The following AGBL1 variants were observed in gnomAD, a reference collection of about 807,000 sequenced individuals.
AGBL1 encodes the protein AGBL carboxypeptidase 1, also known as cytosolic carboxypeptidase 4.
A neutral mutation model predicts 118.9 loss-of-function variants in AGBL1; 130 were observed. That is an observed-to-expected ratio of 1.09 (90% CI 0.95 to 1.26). The LOEUF is 1.26. AGBL1 is among the 50% of genes most tolerant of loss of function. The probability of loss-of-function intolerance (pLI) is 0.00; values close to 1 mark genes in which losing one functional copy is unlikely to be tolerated. For synonymous variants in AGBL1, 555 were observed against 478.9 expected (o/e 1.16, Z -2.08); for missense variants, 1,584 against 1,298.1 (o/e 1.22, Z -3.38).
chr15:86,662,245 C>T (rs181756569), intron 21 of AGBL1, among the ~76,000 whole-genome samples: 7 of 152,224 alleles, frequency 4.6e-5, no homozygotes, highest in African/African-American at 7.2e-5. Context: ...TGTAATATTA[C>T]ATACTGCATA....
chr15:86,178,033 G>T (rs1157603927), intron 5 of AGBL1, among the ~76,000 whole-genome samples: 1 of 152,136 alleles, frequency 6.6e-6, no homozygotes, highest in Non-Finnish European at 1.5e-5. Flanking sequence ...TTCATTCCAG[G>T]CTGGGCATGG....
At chr15:86,843,340 T>C (rs565591135) in intron 22 of AGBL1, among the ~76,000 whole-genome samples, 9 of 152,174 alleles carry the variant, frequency 5.9e-5, no homozygotes, top group African/African-American at 2.2e-4. Flanking sequence ...GCCAGGACTT[T>C]TTTTTTTTCT....
At position 86,742,173 on chromosome 15, in the gene AGBL1, G is replaced by A. The variant is rs1029957646; in HGVS notation, c.3158+67737G>A. ...TTTTATTGGGCATACATAAAGAAAC[G>A]TGACCCAGACTGCAAAGGACCAATT... On this transcript the variant is annotated intron_variant, in intron 22 of 22. Coordinates refer to ENST00000614907, the MANE Select transcript of AGBL1 (RefSeq NM_001386094.1). 9.2e-5 allele frequency among the ~76,000 whole-genome samples: 14 copies of A among 152,076 alleles called. 1 individual carries two copies. The highest frequency in any genetic ancestry group is 3.3e-4 in the Admixed American group (5 of 15,248).
rs566591389 is a variant in AGBL1 at position 86,965,112 on chromosome 15, A to G, written c.3222-22875A>G. On this transcript the variant is annotated intron_variant, in intron 23 of 24. Coordinates refer to the AGBL1 transcript ENST00000441037. ...AACATACATGTGCATGTATTTTTAT[A>G]GAAGAATGACTTATAATCCTTTGGG... Among the ~76,000 whole-genome samples, 5 of 152,308 alleles carry G rather than the reference A, an allele frequency of 3.3e-5. No homozygotes were observed. The South Asian group carries it at 1.0e-3, about 32-fold the overall frequency.
intron 22 of AGBL1, among the ~76,000 whole-genome samples, chr15:86,703,073 G>C (rs2086388012): frequency 6.6e-6 from 1 of 152,136 alleles, no homozygotes; most frequent in African/African-American, 2.4e-5. Flanking sequence ...CAGAATCCAA[G>C]AGAATAATTT....
At chr15:86,734,565 A>G (rs550607361) in intron 22 of AGBL1, among the ~76,000 whole-genome samples, 1 of 152,290 alleles carries the variant, frequency 6.6e-6, no homozygotes, top group East Asian at 1.9e-4. Flanking sequence ...AGAAATGGGC[A>G]TACATCCTTC....
At chr15:86,451,224 C>T (rs1181403847) in intron 18 of AGBL1, among the ~76,000 whole-genome samples, 1 of 152,124 alleles carries the variant, frequency 6.6e-6, no homozygotes, top group African/African-American at 2.4e-5. Flanking sequence ...CTTCTTGGGC[C>T]TCCCATTGCC....
intron 1 of AGBL1, among the ~76,000 whole-genome samples, chr15:86,116,082 G>C (rs764588330): frequency 2.6e-5 from 4 of 152,128 alleles, no homozygotes; most frequent in African/African-American, 9.7e-5. Context: ...AATAGGCAGG[G>C]AACCTAGAAT....
chr15:86,670,900 C>T (rs1038742808), intron 21 of AGBL1, among the ~76,000 whole-genome samples: 3 of 151,692 alleles, frequency 2.0e-5, no homozygotes, highest in Non-Finnish European at 4.4e-5. Flanking sequence ...GGTGAGTTAT[C>T]AAGAAAAGTT....
chr15:86,605,111 G>A (rs1356899585), intron 21 of AGBL1, among the ~76,000 whole-genome samples: 6 of 151,870 alleles, frequency 4.0e-5, no homozygotes, highest in Non-Finnish European at 7.4e-5. Context: ...TCTTTCATAT[G>A]TGGTAGTCAA....
intron 21 of AGBL1, among the ~76,000 whole-genome samples, chr15:86,617,568 G>A (rs533094973): frequency 3.9e-5 from 6 of 152,054 alleles, no homozygotes; most frequent in Admixed American, 6.6e-5. Flanking sequence ...TCAAATTTTC[G>A]TTCAATTGGT....
intron 1 of AGBL1, among the ~76,000 whole-genome samples, chr15:86,133,502 C>T (rs986830609): frequency 3.3e-5 from 5 of 152,296 alleles, no homozygotes; most frequent in East Asian, 1.9e-4. Flanking sequence ...CAACTAACTT[C>T]GAAGCTTTGT....
chr15:86,354,754 T>C (rs1259433753), intron 17 of AGBL1, among the ~76,000 whole-genome samples: 1 of 152,152 alleles, frequency 6.6e-6, no homozygotes, highest in Non-Finnish European at 1.5e-5. Flanking sequence ...CAAAGGAATT[T>C]TGTAGGTATA....
At chr15:86,551,590 G>T (rs754339095) in intron 20 of AGBL1, among the ~76,000 whole-genome samples, 2 of 152,124 alleles carry the variant, frequency 1.3e-5, no homozygotes, top group Non-Finnish European at 2.9e-5. Flanking sequence ...GGAAGTCTAG[G>T]CCCAAATGGC....
intron 3 of AGBL1, among the ~76,000 whole-genome samples, chr15:86,144,404 C>A (rs118023766): frequency 0.035 from 5,353 of 152,238 alleles, 168 homozygotes; most frequent in South Asian, 0.1. Context: ...ATTACAAAGA[C>A]ACGGACTCAA....
At chr15:86,324,299 G>A (rs930453030) in intron 17 of AGBL1, among the ~76,000 whole-genome samples, 3 of 152,120 alleles carry the variant, frequency 2.0e-5, no homozygotes, top group Non-Finnish European at 2.9e-5. Context: ...AACTCTACCC[G>A]GGAATGAATG....
chr15:86,299,077 G>A (rs150870626), intron 17 of AGBL1, among the ~76,000 whole-genome samples: 46 of 152,108 alleles, frequency 3.0e-4, no homozygotes, highest in East Asian at 1.5e-3. Flanking sequence ...CAGTTGAGTC[G>A]TCACCAGATT....
In AGBL1 at chr15:86,182,147, TA is replaced by T. The variant is rs565970421; in HGVS notation, c.488+23123del. ...GTGGGACAAATAATTGGTTGGATAT[TA>T]ATATAAGGTAACATTTGAGACGAGT... On this transcript the variant is annotated intron_variant, in intron 5 of 22. Transcript: ENST00000614907. 7.2e-5 allele frequency among the ~76,000 whole-genome samples: 11 copies of T among 152,116 alleles called. No individual in the cohort carries two copies. In the East Asian group the frequency reaches 1.7e-3, roughly 24 times the overall value.
chr15:86,128,283 C>G (rs1456836074), intron 1 of AGBL1, among the ~76,000 whole-genome samples: 1 of 152,136 alleles, frequency 6.6e-6, no homozygotes, highest in Admixed American at 6.5e-5. Context: ...TCCCATTTAT[C>G]AAGGCATCAG....
Sources: gnomAD v4.1 joint callset for allele counts (sites outside exome capture counted in the v4.1 genomes callset) on GRCh38, gnomAD v4.1.1 for gene constraint, MANE v1.5 for transcripts, NCBI Gene and HGNC (gene_info 2026-07-23, HGNC 2026-07-21) for gene names.